PAK1: variants seen among roughly 807,000 people sequenced by gnomAD.
PAK1 encodes the protein serine/threonine-protein kinase PAK 1.
PAK1 carries 29 observed loss-of-function variants against 67.4 expected under a neutral mutation model. The observed-to-expected ratio is 0.43, with a 90% CI of 0.32 to 0.59. The LOEUF (loss-of-function observed/expected upper bound fraction) is 0.59, where lower values mean the gene tolerates loss of function less well. Among genes scored for constraint, PAK1 ranks in the 20% least tolerant of loss-of-function variants. The pLI is 0.07. For missense variants in PAK1, 337 were observed against 670.7 expected (o/e 0.50, Z 5.50); for synonymous variants, 223 against 237.4 (o/e 0.94, Z 0.56).
chr11:77,343,155 T>C lies in PAK1; in HGVS notation c.998+664A>G, dbSNP rs540570563. On this transcript the variant is annotated intron_variant, in intron 10 of 14. Coordinates refer to ENST00000356341, the MANE Select transcript of PAK1 (RefSeq NM_002576.5). ...TATTATATACAACCACTATTACTAT[T>C]TTGCAAAAAAATTTTGATGGGCTGG... Among the ~76,000 whole-genome samples the C allele has an allele frequency of 1.9e-4, 29 of 152,038 alleles. No individual in the cohort carries two copies. In the East Asian group the frequency reaches 5.6e-3, roughly 29 times the overall value.
intron 1 of PAK1, among the ~76,000 whole-genome samples, chr11:77,400,581 A>G (rs184533336): frequency 2.4e-4 from 37 of 152,360 alleles, no homozygotes; most frequent in Admixed American, 2.4e-3. Context: ...TCTGGTGCTT[A>G]GTCCAAGTCA....
intron 14 of PAK1, among the ~76,000 whole-genome samples, chr11:77,332,153 A>T (rs1176980235): frequency 6.7e-6 from 1 of 150,298 alleles, no homozygotes; most frequent in East Asian, 2.0e-4. Context: ...AAAAGTTTTT[A>T]AAAAACTAGC....
intron 12 of PAK1, among the ~76,000 whole-genome samples, chr11:77,336,881 C>A (rs1317187237): frequency 2.0e-5 from 3 of 151,868 alleles, no homozygotes; most frequent in African/African-American, 7.3e-5. Flanking sequence ...AATTAGGAAG[C>A]CTTTGAGAGT....
At chr11:77,351,028 A>C (rs1487273186) in intron 8 of PAK1, among the ~76,000 whole-genome samples, 1 of 152,196 alleles carries the variant, frequency 6.6e-6, no homozygotes, top group Non-Finnish European at 1.5e-5. Flanking sequence ...CCTATTTCTA[A>C]CTTGAATAGA....
the PAK1 span, among the ~76,000 whole-genome samples, chr11:77,503,949 T>C: frequency 6.6e-6 from 1 of 152,230 alleles, no homozygotes; most frequent in African/African-American, 2.4e-5. Flanking sequence ...TGGAGTGCAG[T>C]GGCGCGATCT....
intron 11 of PAK1, 65 bp from the exon 12 acceptor site, chr11:77,337,488 G>C (rs1200674335): frequency 2.3e-5 from 18 of 775,870 alleles, no homozygotes; most frequent in African/African-American, 3.5e-5. Flanking sequence ...AGACTTAATA[G>C]AAAATCCACT....
chr11:77,413,803 C>G (rs1565685904), intron 1 of PAK1, among the ~76,000 whole-genome samples: 1 of 152,216 alleles, frequency 6.6e-6, no homozygotes, highest in African/African-American at 2.4e-5. Flanking sequence ...GATTCAGCTT[C>G]AAAGTCATTT....
At chr11:77,397,093 G>A (rs939848998) in intron 1 of PAK1, 7 of 152,228 alleles carry the variant, frequency 4.6e-5, no homozygotes, top group African/African-American at 1.7e-4. Flanking sequence ...CCTCAGACGT[G>A]CTGCAATATA....
intron 1 of PAK1, among the ~76,000 whole-genome samples, chr11:77,410,755 A>G (rs1954392794): frequency 6.6e-6 from 1 of 151,640 alleles, no homozygotes; most frequent in Non-Finnish European, 1.5e-5. Context: ...GGAGAGGAAG[A>G]CGTAGAGTCA....
At chr11:77,469,946 ATCATAAACAG>A (rs1487079069) in intron 1 of PAK1, among the ~76,000 whole-genome samples, 1 of 152,140 alleles carries the variant, frequency 6.6e-6, no homozygotes, top group Admixed American at 6.5e-5. Context: ...TCATTTCTTT[ATCATAAACAG>A]TCAAAAGCCT....
the PAK1 span, among the ~76,000 whole-genome samples, chr11:77,524,005 T>C: frequency 6.6e-6 from 1 of 152,086 alleles, no homozygotes; most frequent in Non-Finnish European, 1.5e-5. Context: ...TTTACAGCAA[T>C]AGAGAGACAC....
chr11:77,338,169 A>G (rs140382822), intron 11 of PAK1, among the ~76,000 whole-genome samples: 35 of 152,294 alleles, frequency 2.3e-4, no homozygotes, highest in African/African-American at 7.9e-4. Flanking sequence ...ACTTCCATCT[A>G]TAAAATTTGG....
At chr11:77,505,861 T>G in the PAK1 span, among the ~76,000 whole-genome samples, 72,294 of 152,008 alleles carry the variant, frequency 0.48, 17,790 homozygotes, top group Middle Eastern at 0.59. Flanking sequence ...GTGTGAACAG[T>G]GCTGTGTTAG....
At chr11:77,528,516 T>A in the PAK1 span, among the ~76,000 whole-genome samples, 2 of 152,090 alleles carry the variant, frequency 1.3e-5, no homozygotes, top group Admixed American at 6.6e-5. Context: ...GGCTAATTTT[T>A]AAACTTTTGG....
chr11:77,502,632 T>C, the PAK1 span, among the ~76,000 whole-genome samples: 1 of 152,306 alleles, frequency 6.6e-6, no homozygotes, highest in African/African-American at 2.4e-5. Context: ...TGTCTTCAGA[T>C]GGCAGAAGCA....
chr11:77,454,946 T>G (rs1957019550), intron 1 of PAK1, among the ~76,000 whole-genome samples: 1 of 152,136 alleles, frequency 6.6e-6, no homozygotes. Context: ...AGAAGAAATT[T>G]TTGTCCATTT....
the PAK1 span, among the ~76,000 whole-genome samples, chr11:77,516,824 G>A: frequency 1.6e-5 from 2 of 123,276 alleles, no homozygotes; most frequent in African/African-American, 6.4e-5. Context: ...GCAACATAGT[G>A]AGACCCCATC....
rs771574937 is a variant in PAK1 at position 77,353,715 on chromosome 11, A to G, written c.773-116T>C. The G allele has an allele frequency of 1.9e-3, 1,463 of 763,988 alleles. 7 individuals carry two copies. Among genetic ancestry groups the G allele is most frequent in the Non-Finnish European group, 1.9e-3 (832 of 439,584 alleles). 47.3% of individuals were successfully genotyped at this position (763,988 alleles called of 1,614,324 possible). ...GGTTAAAGAACTACCTCCAATAGCC[A>G]AAAAGCATGCTAAACAGGCCCTCAG... On this transcript the variant is annotated intron_variant, in intron 7 of 14. Coordinates refer to ENST00000356341, the MANE Select transcript of PAK1 (RefSeq NM_002576.5).
At chr11:77,511,823 T>C in the PAK1 span, among the ~76,000 whole-genome samples, 2 of 152,002 alleles carry the variant, frequency 1.3e-5, no homozygotes, top group Non-Finnish European at 2.9e-5. Context: ...CAGCTCAGAG[T>C]GGGGGTAGTC....
Sources: gnomAD v4.1 joint callset for allele counts (sites outside exome capture counted in the v4.1 genomes callset) on GRCh38, gnomAD v4.1.1 for gene constraint, MANE v1.5 for transcripts, NCBI Gene and HGNC (gene_info 2026-07-23, HGNC 2026-07-21) for gene names.